Variants in FGF14 observed in about 807,000 individuals in gnomAD.
The protein encoded by FGF14 is fibroblast growth factor homologous factor 4.
In FGF14, 5 loss-of-function variants were observed where a neutral mutation model predicts 25.5. That is an observed-to-expected ratio of 0.20 (90% CI 0.10 to 0.41). The LOEUF is 0.41. Among genes scored for constraint, FGF14 ranks in the 10% least tolerant of loss-of-function variants. The probability of loss-of-function intolerance (pLI) is 1.00; values close to 1 mark genes in which losing one functional copy is unlikely to be tolerated. For missense variants in FGF14, 222 were observed against 320.1 expected (o/e 0.69, Z 2.34); for synonymous variants, 138 against 118.3 (o/e 1.17, Z -1.08).
intron 1 of FGF14, among the ~76,000 whole-genome samples, chr13:102,201,137 A>T (rs1319618830): frequency 8.7e-6 from 1 of 115,564 alleles, no homozygotes; most frequent in Admixed American, 9.3e-5. Flanking sequence ...AAAAAAAAAG[A>T]CTAATGTCTT....
intron 1 of FGF14, among the ~76,000 whole-genome samples, chr13:102,025,725 T>G (rs2040889236): frequency 6.6e-6 from 1 of 152,074 alleles, no homozygotes; most frequent in African/African-American, 2.4e-5. Context: ...GTACTTCTTT[T>G]GTTCAATTTA....
intron 1 of FGF14, among the ~76,000 whole-genome samples, chr13:101,952,785 C>T (rs2036253797): frequency 6.6e-6 from 1 of 152,180 alleles, no homozygotes; most frequent in Non-Finnish European, 1.5e-5. Flanking sequence ...AATCCCAGCA[C>T]TTTAGGAGGC....
At chr13:102,158,589 G>A (rs1303600262) in intron 1 of FGF14, among the ~76,000 whole-genome samples, 1 of 151,888 alleles carries the variant, frequency 6.6e-6, no homozygotes, top group Non-Finnish European at 1.5e-5. Flanking sequence ...GTTAATGGGT[G>A]CAGCACACCA....
intron 1 of FGF14, among the ~76,000 whole-genome samples, chr13:101,951,245 TG>T (rs2036151061): frequency 6.6e-6 from 1 of 152,150 alleles, no homozygotes; most frequent in African/African-American, 2.4e-5. Context: ...GATGTTCATA[TG>T]ATTTGATGCA....
At chr13:102,335,347 G>A (rs1207941229) in intron 1 of FGF14, among the ~76,000 whole-genome samples, 1 of 152,056 alleles carries the variant, frequency 6.6e-6, no homozygotes, top group Admixed American at 6.6e-5. Flanking sequence ...TGGACCTCAT[G>A]GATTTTCTAA....
intron 1 of FGF14, among the ~76,000 whole-genome samples, chr13:102,027,185 T>C (rs1475558804): frequency 6.6e-6 from 1 of 151,480 alleles, no homozygotes; most frequent in Non-Finnish European, 1.5e-5. Flanking sequence ...AGGGGTTTAA[T>C]CAACTTGAGA....
At chr13:102,048,861 C>T (rs2042102725) in intron 1 of FGF14, among the ~76,000 whole-genome samples, 1 of 152,198 alleles carries the variant, frequency 6.6e-6, no homozygotes, top group Non-Finnish European at 1.5e-5. Context: ...AGAGGATTCT[C>T]TTATTGATTA....
intron 1 of FGF14, among the ~76,000 whole-genome samples, chr13:102,114,672 A>T (rs1360626679): frequency 6.6e-6 from 1 of 152,216 alleles, no homozygotes; most frequent in Non-Finnish European, 1.5e-5. Context: ...ATCCTCTGAT[A>T]TGTGACAACA....
intron 1 of FGF14, among the ~76,000 whole-genome samples, chr13:101,877,168 T>G (rs540866179): frequency 6.6e-6 from 1 of 152,222 alleles, no homozygotes; most frequent in South Asian, 2.1e-4. Flanking sequence ...ACACGCGCCC[T>G]CATGCTTATA....
intron 1 of FGF14, among the ~76,000 whole-genome samples, chr13:101,968,656 GA>G (rs1317641392): frequency 1.5e-5 from 2 of 133,236 alleles, no homozygotes; most frequent in African/African-American, 5.7e-5. Flanking sequence ...CTGGGCGACA[GA>G]GCGAGACTCC....
chr13:102,239,779 T>C (rs1265456569), intron 1 of FGF14, among the ~76,000 whole-genome samples: 2 of 152,180 alleles, frequency 1.3e-5, no homozygotes, highest in Admixed American at 1.3e-4. Flanking sequence ...TGATATTGTC[T>C]TAATTATTTC....
At chr13:101,814,746 T>C (rs192744832) in intron 3 of FGF14, among the ~76,000 whole-genome samples, 1 of 152,280 alleles carries the variant, frequency 6.6e-6, no homozygotes, top group East Asian at 1.9e-4. Flanking sequence ...GATCAGTGAG[T>C]AAGCATTTTA....
At chr13:102,005,985 C>T (rs2039762614) in intron 1 of FGF14, among the ~76,000 whole-genome samples, 1 of 152,204 alleles carries the variant, frequency 6.6e-6, no homozygotes, top group Admixed American at 6.5e-5. Context: ...AACCACCACT[C>T]TTACTTATCT....
At chr13:102,108,496 T>C (rs2045043540) in intron 1 of FGF14, among the ~76,000 whole-genome samples, 1 of 152,250 alleles carries the variant, frequency 6.6e-6, no homozygotes, top group African/African-American at 2.4e-5. Flanking sequence ...ATTGGATCTC[T>C]GTGAAACATG....
At chr13:102,179,469 G>A (rs1329611497) in intron 1 of FGF14, among the ~76,000 whole-genome samples, 4 of 152,132 alleles carry the variant, frequency 2.6e-5, no homozygotes, top group African/African-American at 7.2e-5. Context: ...TAACAGATAC[G>A]TGCAGGAACA....
intron 3 of FGF14, among the ~76,000 whole-genome samples, chr13:101,820,387 C>T (rs1326488465): frequency 4.6e-5 from 7 of 151,988 alleles, no homozygotes; most frequent in African/African-American, 1.2e-4. Flanking sequence ...ATAAAATAAA[C>T]GTTGGCTGAT....
At chr13:102,210,367 G>A (rs991425161) in intron 1 of FGF14, among the ~76,000 whole-genome samples, 2 of 151,932 alleles carry the variant, frequency 1.3e-5, no homozygotes, top group African/African-American at 2.4e-5. Context: ...AACAAATCAC[G>A]GTAGTTTCCA....
chr13:101,860,043 T>C (rs747200787), intron 3 of FGF14, among the ~76,000 whole-genome samples: 4 of 152,084 alleles, frequency 2.6e-5, no homozygotes, highest in Non-Finnish European at 4.4e-5. Context: ...GCTCTTGTCA[T>C]GCCCTTCAAC....
intron 1 of FGF14, among the ~76,000 whole-genome samples, chr13:102,362,872 A>G (rs1393152049): frequency 2.6e-5 from 4 of 152,218 alleles, no homozygotes; most frequent in South Asian, 2.1e-4. Flanking sequence ...GATTAAAATA[A>G]TAACTATCTT....
Sources: allele counts gnomAD v4.1 joint callset (sites outside exome capture counted in the v4.1 genomes callset), GRCh38; gene constraint gnomAD v4.1.1; transcripts MANE v1.5; gene names NCBI Gene and HGNC (gene_info 2026-07-23, HGNC 2026-07-21).